The following HS3ST5 variants were observed in gnomAD, a reference collection of about 807,000 sequenced individuals.
The protein encoded by HS3ST5 is heparan sulfate-glucosamine 3-sulfotransferase 5.
HS3ST5 carries 10 observed loss-of-function variants against 25.4 expected under a neutral mutation model. The observed-to-expected ratio is 0.39, with a 90% CI of 0.24 to 0.67. HS3ST5 has a LOEUF of 0.67. HS3ST5 is among the 30% of genes least tolerant of loss of function. The pLI is 0.44. For synonymous variants in HS3ST5, 170 were observed against 162.4 expected (o/e 1.05, Z -0.36); for missense variants, 324 against 420.7 (o/e 0.77, Z 2.01).
At chr6:114,248,416 T>C (rs1408333181) in intron 1 of HS3ST5, among the ~76,000 whole-genome samples, 1 of 151,768 alleles carries the variant, frequency 6.6e-6, no homozygotes, top group Non-Finnish European at 1.5e-5. Context: ...ACACTAACAG[T>C]TTCTTACATA....
intron 1 of HS3ST5, among the ~76,000 whole-genome samples, chr6:114,303,068 C>T (rs888835618): frequency 6.6e-6 from 1 of 152,084 alleles, no homozygotes; most frequent in Non-Finnish European, 1.5e-5. Flanking sequence ...AAATCCATGA[C>T]GGAGACTGGC....
intron 3 of HS3ST5, among the ~76,000 whole-genome samples, chr6:114,144,479 C>G (rs535525864): frequency 9.9e-5 from 15 of 152,276 alleles, no homozygotes; most frequent in Non-Finnish European, 1.8e-4. Flanking sequence ...GCATAATGGT[C>G]CCACACAGCC....
chr6:114,127,855 T>TGTAG (rs1554211347), intron 3 of HS3ST5, among the ~76,000 whole-genome samples: 1 of 147,046 alleles, frequency 6.8e-6, no homozygotes, highest in Non-Finnish European at 1.5e-5. Flanking sequence ...TATATATATA[T>TGTAG]AGAGAGAGAG....
chr6:114,280,152 T>C (rs1244142247), intron 1 of HS3ST5, among the ~76,000 whole-genome samples: 2 of 149,518 alleles, frequency 1.3e-5, no homozygotes, highest in East Asian at 2.0e-4. Context: ...GGATGAGGTG[T>C]GGGGGAAGAT....
chr6:114,295,657 A>G (rs1036425010), intron 1 of HS3ST5, among the ~76,000 whole-genome samples: 15 of 152,374 alleles, frequency 9.8e-5, no homozygotes, highest in Admixed American at 2.6e-4. Flanking sequence ...ATAACTGTGT[A>G]AAAGCATGCA....
intron 3 of HS3ST5, 28 bp from the exon 4 acceptor site, chr6:114,062,905 A>G: frequency 7.5e-7 from 1 of 1,329,324 alleles, no homozygotes; most frequent in Non-Finnish European, 1.1e-6. Flanking sequence ...ATCAGCAGCC[A>G]TCTCTTAGAG....
intron 2 of HS3ST5, among the ~76,000 whole-genome samples, chr6:114,171,931 C>A (rs62415802): frequency 6.6e-6 from 1 of 152,162 alleles, no homozygotes; most frequent in Non-Finnish European, 1.5e-5. Context: ...ATCTTAGTGT[C>A]CTTTTATACA....
At chr6:114,113,498 T>C (rs1331880696) in intron 3 of HS3ST5, among the ~76,000 whole-genome samples, 1 of 151,826 alleles carries the variant, frequency 6.6e-6, no homozygotes, top group Non-Finnish European at 1.5e-5. Flanking sequence ...TTCCTTCTGC[T>C]TGGAATGATC....
chr6:114,096,213 G>C (rs981020030), intron 3 of HS3ST5, among the ~76,000 whole-genome samples: 3 of 152,062 alleles, frequency 2.0e-5, no homozygotes, highest in Non-Finnish European at 2.9e-5. Flanking sequence ...CATCACCCTT[G>C]AGCCCGTCAT....
intron 2 of HS3ST5, among the ~76,000 whole-genome samples, chr6:114,205,261 T>G (rs1374414462): frequency 6.6e-6 from 1 of 152,162 alleles, no homozygotes. Context: ...ATTTAGAGGT[T>G]CCAATAACCA....
chr6:114,096,751 C>G (rs1775446892), intron 3 of HS3ST5, among the ~76,000 whole-genome samples: 1 of 152,038 alleles, frequency 6.6e-6, no homozygotes. Context: ...CATATAAGTG[C>G]CACTAGGGGG....
intron 1 of HS3ST5, among the ~76,000 whole-genome samples, chr6:114,340,098 A>C (rs1400937186): frequency 1.3e-5 from 2 of 152,220 alleles, no homozygotes; most frequent in Non-Finnish European, 2.9e-5. Context: ...TTCATTCAAA[A>C]ACATCTGTGT....
intron 2 of HS3ST5, among the ~76,000 whole-genome samples, chr6:114,188,468 G>GT (rs1157712717): frequency 6.6e-6 from 1 of 152,090 alleles, no homozygotes; most frequent in Non-Finnish European, 1.5e-5. Context: ...TTTTTTCAAG[G>GT]TAACAAATGA....
chr6:114,280,741 T>C (rs1169517101), intron 1 of HS3ST5, among the ~76,000 whole-genome samples: 1 of 152,012 alleles, frequency 6.6e-6, no homozygotes, highest in Non-Finnish European at 1.5e-5. Context: ...CTGATTTCAA[T>C]TTGTATGCCT....
At chr6:114,060,441 A>G (rs1354878539) in intron 4 of HS3ST5, among the ~76,000 whole-genome samples, 3 of 152,220 alleles carry the variant, frequency 2.0e-5, no homozygotes, top group African/African-American at 7.2e-5. Flanking sequence ...TTATCAATAG[A>G]TACATAGGCA....
intron 2 of HS3ST5, among the ~76,000 whole-genome samples, chr6:114,215,381 C>A (rs745955094): frequency 2.0e-5 from 3 of 152,108 alleles, no homozygotes; most frequent in Admixed American, 1.3e-4. Context: ...TTGCATGGGA[C>A]CCCGAACCCT....
chr6:114,281,473 C>T (rs1774105991), intron 1 of HS3ST5, among the ~76,000 whole-genome samples: 1 of 151,920 alleles, frequency 6.6e-6, no homozygotes, highest in Middle Eastern at 3.2e-3. Context: ...ATTCTTTTCT[C>T]CCTGGAGATG....
At chr6:114,311,539 C>CTTTTTTT (rs11463610) in intron 1 of HS3ST5, among the ~76,000 whole-genome samples, 79 of 84,892 alleles carry the variant, frequency 9.3e-4, no homozygotes, top group East Asian at 1.2e-3. Flanking sequence ...TTCTCTCTCT[C>CTTTTTTT]TTTTTTTTTT....
At chr6:114,091,199 C>G (rs1034889475) in intron 3 of HS3ST5, among the ~76,000 whole-genome samples, 2 of 152,056 alleles carry the variant, frequency 1.3e-5, no homozygotes, top group Non-Finnish European at 2.9e-5. Flanking sequence ...TCTCATTAGC[C>G]CCACTGAACT....
Sources: gnomAD v4.1 joint callset for allele counts (sites outside exome capture counted in the v4.1 genomes callset) on GRCh38, gnomAD v4.1.1 for gene constraint, MANE v1.5 for transcripts, NCBI Gene and HGNC (gene_info 2026-07-23, HGNC 2026-07-21) for gene names.